Variants in GABRA4 observed in about 807,000 individuals in gnomAD.
GABRA4 encodes the protein gamma-aminobutyric acid type A receptor subunit alpha4.
GABRA4 carries 12 observed loss-of-function variants against 49.7 expected under a neutral mutation model. The observed-to-expected ratio is 0.24, with a 90% CI of 0.15 to 0.39. GABRA4 has a LOEUF of 0.39. GABRA4 is among the 10% of genes least tolerant of loss of function. GABRA4 has a pLI of 1.00. For missense variants in GABRA4, 506 were observed against 686.0 expected (o/e 0.74, Z 2.93); for synonymous variants, 288 against 240.2 (o/e 1.20, Z -1.84).
chr4:46,937,189 T>C (rs563740126), intron 8 of GABRA4, among the ~76,000 whole-genome samples: 1 of 152,280 alleles, frequency 6.6e-6, no homozygotes, highest in Non-Finnish European at 1.5e-5. Context: ...CCTTTCTCCA[T>C]CATGTGCGGA....
intron 8 of GABRA4, among the ~76,000 whole-genome samples, chr4:46,947,988 G>C (rs970777978): frequency 6.6e-6 from 1 of 152,018 alleles, no homozygotes; most frequent in African/African-American, 2.4e-5. Flanking sequence ...GTTGAGGCTG[G>C]GGCTGTCAGC....
chr4:46,928,143 G>A lies in GABRA4; in HGVS notation c.*82C>T. 6 of 1,162,108 alleles carry A rather than the reference G, an allele frequency of 5.2e-6. No individual in the cohort carries two copies. Among genetic ancestry groups the A allele is most frequent in the Non-Finnish European group, 7.1e-6 (6 of 850,276 alleles). 72.0% of individuals were successfully genotyped at this position (1,162,108 alleles called of 1,614,324 possible). The stretch of plus-strand genomic sequence containing the variant: ...TACACAGAGTTTTTATTTTAGTAAA[G>A]AATATTTGTTTATATTTAAAAACAT... On this transcript the variant is annotated 3_prime_UTR_variant, in exon 9 of 9. Transcript: ENST00000264318.
intron 8 of GABRA4, among the ~76,000 whole-genome samples, chr4:46,944,163 GAGAT>G (rs1165461537): frequency 6.6e-6 from 1 of 152,068 alleles, no homozygotes; most frequent in African/African-American, 2.4e-5. Flanking sequence ...TCTATGTTAA[GAGAT>G]AGACATGTTG....
intron 7 of GABRA4, among the ~76,000 whole-genome samples, chr4:46,968,562 T>C (rs1240510815): frequency 1.3e-5 from 2 of 151,644 alleles, no homozygotes; most frequent in Non-Finnish European, 3.0e-5. Flanking sequence ...AGTTTCTTAA[T>C]ATGTTTGAGT....
intron 8 of GABRA4, among the ~76,000 whole-genome samples, chr4:46,944,413 G>A (rs1427615679): frequency 6.6e-6 from 1 of 152,048 alleles, no homozygotes; most frequent in Non-Finnish European, 1.5e-5. Context: ...TGGTAAACCC[G>A]CTCATTAATG....
intron 2 of GABRA4, among the ~76,000 whole-genome samples, chr4:46,986,999 T>C (rs1369665081): frequency 1.3e-5 from 2 of 152,176 alleles, no homozygotes; most frequent in African/African-American, 4.8e-5. Flanking sequence ...TGGAAAACCT[T>C]GCTGCATCTG....
At chr4:46,962,295 G>A (rs1396266574) in intron 8 of GABRA4, among the ~76,000 whole-genome samples, 1 of 151,624 alleles carries the variant, frequency 6.6e-6, no homozygotes, top group Non-Finnish European at 1.5e-5. Flanking sequence ...AAAATCAGTA[G>A]CATTTTTGTA....
At chr4:46,957,942 G>A (rs1030111782) in intron 8 of GABRA4, among the ~76,000 whole-genome samples, 1 of 151,840 alleles carries the variant, frequency 6.6e-6, no homozygotes, top group Non-Finnish European at 1.5e-5. Flanking sequence ...AGAATATTAA[G>A]CTATTAATTA....
chr4:46,986,472 C>T (rs530589369), intron 2 of GABRA4, among the ~76,000 whole-genome samples: 1 of 152,044 alleles, frequency 6.6e-6, no homozygotes, highest in East Asian at 1.9e-4. Context: ...TTTATACACA[C>T]TCCCTTGGTT....
At chr4:46,978,401 A>T (rs1723220341) in intron 3 of GABRA4, among the ~76,000 whole-genome samples, 1 of 151,986 alleles carries the variant, frequency 6.6e-6, no homozygotes, top group African/African-American at 2.4e-5. Context: ...TCCTAAAGAA[A>T]AAACAGCCGG....
chr4:46,979,466 A>G (rs1723273271), intron 2 of GABRA4, among the ~76,000 whole-genome samples: 1 of 152,228 alleles, frequency 6.6e-6, no homozygotes, highest in Admixed American at 6.5e-5. Flanking sequence ...GCTGTTAAAA[A>G]GGGGAAGTGT....
At chr4:46,978,653 C>T (rs1319236042) in intron 3 of GABRA4, among the ~76,000 whole-genome samples, 1 of 129,250 alleles carries the variant, frequency 7.7e-6, no homozygotes, top group African/African-American at 3.0e-5. Context: ...CGCCATTGTA[C>T]TCCAGCCTGG....
chr4:46,974,772 C>A (rs1000892496), intron 5 of GABRA4, among the ~76,000 whole-genome samples: 5 of 151,902 alleles, frequency 3.3e-5, no homozygotes, highest in African/African-American at 1.2e-4. Flanking sequence ...TTGACCAATA[C>A]CATCCTAACA....
At chr4:46,941,140 G>T (rs1721773059) in intron 8 of GABRA4, among the ~76,000 whole-genome samples, 1 of 151,692 alleles carries the variant, frequency 6.6e-6, no homozygotes, top group African/African-American at 2.4e-5. Context: ...AGCCAGGCAG[G>T]CCAGAAACTA....
chr4:46,959,882 G>A (rs1722511337), intron 8 of GABRA4, among the ~76,000 whole-genome samples: 1 of 149,340 alleles, frequency 6.7e-6, no homozygotes, highest in African/African-American at 2.5e-5. Flanking sequence ...CTCCAAAACT[G>A]GAATACGTGG....
chr4:46,951,252 G>A (rs1722163272), intron 8 of GABRA4, among the ~76,000 whole-genome samples: 1 of 150,626 alleles, frequency 6.6e-6, no homozygotes, highest in Non-Finnish European at 1.5e-5. Context: ...CTGTTATTAT[G>A]TTATCTAACC....
chr4:46,982,391 A>T (rs1723387029), intron 2 of GABRA4, among the ~76,000 whole-genome samples: 1 of 151,800 alleles, frequency 6.6e-6, no homozygotes, highest in Admixed American at 6.6e-5. Context: ...ACACACACAC[A>T]CACACATAGC....
At chr4:46,928,853 T>C (rs1336958053) in intron 8 of GABRA4, 98 bp from the exon 9 acceptor site, 5 of 789,840 alleles carry the variant, frequency 6.3e-6, no homozygotes, top group African/African-American at 1.8e-5. Context: ...GTCATTTCCA[T>C]AAAATAAAAC....
intron 8 of GABRA4, among the ~76,000 whole-genome samples, chr4:46,961,992 A>G (rs1722592238): frequency 6.6e-6 from 1 of 151,928 alleles, no homozygotes; most frequent in African/African-American, 2.4e-5. Context: ...AGACTCACTG[A>G]TGTGTCAAAT....
Sources: gnomAD v4.1 joint callset for allele counts (sites outside exome capture counted in the v4.1 genomes callset) on GRCh38, gnomAD v4.1.1 for gene constraint, MANE v1.5 for transcripts, NCBI Gene and HGNC (gene_info 2026-07-23, HGNC 2026-07-21) for gene names.